Variants in ST3GAL3 observed in about 807,000 individuals in gnomAD.
ST3GAL3 encodes ST3 beta-galactoside alpha-2,3-sialyltransferase 3, also known as CMP-N-acetylneuraminate-beta-1,4-galactoside alpha-2,3-sialyltransferase.
Under a neutral mutation model 50.1 loss-of-function variants are expected in ST3GAL3, and 21 were observed. The ratio of observed to expected loss-of-function variants is 0.42; its 90% CI spans 0.30 to 0.60. The LOEUF is 0.60. ST3GAL3 is among the 20% of genes least tolerant of loss of function. The probability of loss-of-function intolerance (pLI) is 0.19; values close to 1 mark genes in which losing one functional copy is unlikely to be tolerated. For synonymous variants in ST3GAL3, 183 were observed against 190.0 expected (o/e 0.96, Z 0.30); for missense variants, 353 against 489.4 (o/e 0.72, Z 2.63).
At chr1:43,917,608 T>TATTAA (rs1259431180) in intron 9 of ST3GAL3, among the ~76,000 whole-genome samples, 1 of 75,814 alleles carries the variant, frequency 1.3e-5, no homozygotes, top group East Asian at 3.2e-4. Flanking sequence ...ATATATTATA[T>TATTAA]ATTATATATT....
chr1:43,736,413 A>T, intron 2 of ST3GAL3, 33 bp downstream of exon 2: 3 of 1,614,136 alleles, frequency 1.9e-6, no homozygotes, highest in Non-Finnish European at 2.5e-6. Context: ...ACCCCAGGAG[A>T]AGCCTGTTGC....
intron 5 of ST3GAL3, among the ~76,000 whole-genome samples, chr1:43,867,988 G>A (rs2071745053): frequency 6.6e-6 from 1 of 152,190 alleles, no homozygotes; most frequent in African/African-American, 2.4e-5. Flanking sequence ...ATAAAATGTG[G>A]ATTCCACTTC....
Position 43,821,655 on chromosome 1 carries a change from C to A in ST3GAL3, c.209+6722C>A, listed in dbSNP as rs1476207631. Among the ~76,000 whole-genome samples, 4 of 152,228 alleles carry A rather than the reference C, an allele frequency of 2.6e-5. No individual in the cohort carries two copies. In the East Asian group the frequency reaches 5.8e-4, roughly 22 times the overall value. ...ACTGGTGAGTTGGTGACATTGCCAG[C>A]CTTGTGGTTGCCTGAGAATTGACCC... On this transcript the variant is annotated intron_variant, in intron 4 of 11. Coordinates refer to ENST00000347631, the MANE Select transcript of ST3GAL3 (RefSeq NM_006279.5).
chr1:43,751,856 G>C (rs557320517), intron 2 of ST3GAL3, among the ~76,000 whole-genome samples: 1 of 151,848 alleles, frequency 6.6e-6, no homozygotes, highest in Non-Finnish European at 1.5e-5. Flanking sequence ...GGAGGTTCTC[G>C]TCACCCAGGC....
At chr1:43,863,372 A>G (rs2070485441) in intron 5 of ST3GAL3, among the ~76,000 whole-genome samples, 1 of 152,194 alleles carries the variant, frequency 6.6e-6, no homozygotes, top group Non-Finnish European at 1.5e-5. Context: ...GGCAAGAATG[A>G]GACTATGACA....
intron 11 of ST3GAL3, 63 bp downstream of exon 11, chr1:43,920,991 A>G (rs2082936179): frequency 6.5e-7 from 1 of 1,540,234 alleles, no homozygotes; most frequent in Non-Finnish European, 8.8e-7. Flanking sequence ...ATAAATGAGT[A>G]GTAAAGGGAG....
At chr1:43,831,440 C>A (rs2063532751) in intron 4 of ST3GAL3, among the ~76,000 whole-genome samples, 1 of 152,188 alleles carries the variant, frequency 6.6e-6, no homozygotes, top group African/African-American at 2.4e-5. Context: ...CCAATCAGTG[C>A]ATATGAAAAT....
intron 2 of ST3GAL3, among the ~76,000 whole-genome samples, chr1:43,741,531 T>A (rs1571895426): frequency 6.6e-6 from 1 of 152,184 alleles, no homozygotes; most frequent in South Asian, 2.1e-4. Flanking sequence ...TTGGATCTGA[T>A]ATTAGGAGGA....
chr1:43,918,096 G>T (rs1287152855), intron 9 of ST3GAL3, among the ~76,000 whole-genome samples: 1 of 145,816 alleles, frequency 6.9e-6, no homozygotes, highest in Non-Finnish European at 1.5e-5. Context: ...TGATAAAATA[G>T]ACATCTAAAT....
chr1:43,857,502 TCTTCCTTC>T (rs201810583), intron 5 of ST3GAL3, among the ~76,000 whole-genome samples: 1 of 109,960 alleles, frequency 9.1e-6, no homozygotes, highest in African/African-American at 3.3e-5. Flanking sequence ...CTTCCTTCCC[TCTTCCTTC>T]CTTCCTTCCT....
chr1:43,898,906 G>A (rs552157682), intron 7 of ST3GAL3, among the ~76,000 whole-genome samples: 9 of 152,192 alleles, frequency 5.9e-5, no homozygotes, highest in South Asian at 4.2e-4. Context: ...CACCACCCAC[G>A]CCTGGCACCC....
chr1:43,881,066 AATGGC>A (rs2075040160), intron 5 of ST3GAL3, among the ~76,000 whole-genome samples: 1 of 151,574 alleles, frequency 6.6e-6, no homozygotes, highest in South Asian at 2.1e-4. Context: ...ACTGGAGTGC[AATGGC>A]GCGATCTCAG....
intron 3 of ST3GAL3, among the ~76,000 whole-genome samples, chr1:43,798,617 G>A (rs140442573): frequency 3.7e-4 from 56 of 152,136 alleles, no homozygotes; most frequent in South Asian, 8.3e-4. Flanking sequence ...TGTCACCTCC[G>A]CCAGAAGGTC....
rs1482856156 is a variant in ST3GAL3, at chr1:43,794,100, AAAAG to A, written c.166+1954_166+1957del. ...CCCTGTCTCTGGAAAAAAAAAAAAA[AAAAG>A]AAGGAAAAAAGAGAGAGAGTGAAAG... On this transcript the variant is annotated intron_variant, in intron 3 of 11. Coordinates refer to ENST00000347631, the MANE Select transcript of ST3GAL3 (RefSeq NM_006279.5). Among the ~76,000 whole-genome samples, 172 of 152,032 alleles carry A rather than the reference AAAAG, an allele frequency of 1.1e-3. 2 individuals carry two copies. Among genetic ancestry groups the A allele is most frequent in the African/African-American group, 3.7e-3 (155 of 41,474 alleles).
At chr1:43,876,750 G>A (rs995158960) in intron 5 of ST3GAL3, among the ~76,000 whole-genome samples, 1 of 152,218 alleles carries the variant, frequency 6.6e-6, no homozygotes, top group Non-Finnish European at 1.5e-5. Context: ...GCATGTGGAT[G>A]GACGAATGTG....
intron 5 of ST3GAL3, among the ~76,000 whole-genome samples, chr1:43,869,399 C>G (rs74655528): frequency 0.032 from 4,908 of 152,184 alleles, 258 homozygotes; most frequent in African/African-American, 0.11. Flanking sequence ...TCATAAAGGG[C>G]CCCTCCCTGT....
At chr1:43,782,154 A>T (rs925680587) in intron 2 of ST3GAL3, among the ~76,000 whole-genome samples, 8 of 152,196 alleles carry the variant, frequency 5.3e-5, no homozygotes, top group Non-Finnish European at 1.5e-5. Context: ...TTCTTTTGCT[A>T]CATTTAACAT....
intron 6 of ST3GAL3, among the ~76,000 whole-genome samples, chr1:43,897,445 A>T (rs1181644658): frequency 6.6e-6 from 1 of 152,242 alleles, no homozygotes; most frequent in Non-Finnish European, 1.5e-5. Context: ...CACAGCCAGT[A>T]TTTGACTCCA....
chr1:43,903,928 G>A (rs2485995), intron 9 of ST3GAL3, among the ~76,000 whole-genome samples: 14,551 of 152,202 alleles, frequency 0.096, 914 homozygotes, highest in South Asian at 0.23. Context: ...TTTAAAATTA[G>A]ATAAGATGAA....
Sources: allele counts gnomAD v4.1 joint callset (sites outside exome capture counted in the v4.1 genomes callset), GRCh38; gene constraint gnomAD v4.1.1; transcripts MANE v1.5; gene names NCBI Gene and HGNC (gene_info 2026-07-23, HGNC 2026-07-21).